The following UNC5D variants were observed in gnomAD, a reference collection of about 807,000 sequenced individuals.
The protein encoded by UNC5D is netrin receptor UNC5D.
UNC5D carries 39 observed loss-of-function variants against 105.4 expected under a neutral mutation model. The observed-to-expected ratio is 0.37, with a 90% CI of 0.29 to 0.48. The LOEUF is 0.48. Ranked by LOEUF, UNC5D falls within the 20% of genes least tolerant of loss-of-function variation. UNC5D has a pLI of 0.98. For synonymous variants in UNC5D, 452 were observed against 450.4 expected (o/e 1.00, Z -0.04); for missense variants, 991 against 1,202.4 (o/e 0.82, Z 2.60).
chr8:35,676,247 C>A (rs1472833196), intron 4 of UNC5D, among the ~76,000 whole-genome samples: 1 of 152,220 alleles, frequency 6.6e-6, no homozygotes, highest in East Asian at 1.9e-4. Context: ...TGCAGACCAT[C>A]TGTACATAAC....
At chr8:35,686,845 G>C in intron 7 of UNC5D, 136 bp downstream of exon 7, 1 of 1,139,110 alleles carries the variant, frequency 8.8e-7, no homozygotes, top group South Asian at 1.6e-5. Context: ...AATAAATTAG[G>C]TAAAAAGTGC....
intron 7 of UNC5D, among the ~76,000 whole-genome samples, chr8:35,689,631 C>T (rs548598551): frequency 6.2e-4 from 94 of 152,316 alleles, no homozygotes; most frequent in Non-Finnish European, 2.1e-4. Flanking sequence ...AGTTGGAAGG[C>T]TGTCAGGCAG....
chr8:35,655,280 T>C (rs953068071), intron 4 of UNC5D, among the ~76,000 whole-genome samples: 2 of 152,218 alleles, frequency 1.3e-5, no homozygotes, highest in African/African-American at 4.8e-5. Flanking sequence ...TCAAAAATAT[T>C]GCCGTCTTCT....
intron 1 of UNC5D, among the ~76,000 whole-genome samples, chr8:35,361,690 G>A (rs1235961388): frequency 6.6e-6 from 1 of 152,142 alleles, no homozygotes; most frequent in Non-Finnish European, 1.5e-5. Flanking sequence ...AATCACTTAT[G>A]CAGCTTCTCT....
chr8:35,518,455 T>A (rs934156627), intron 1 of UNC5D, among the ~76,000 whole-genome samples: 1 of 152,040 alleles, frequency 6.6e-6, no homozygotes, highest in Non-Finnish European at 1.5e-5. Flanking sequence ...AACATTTTTT[T>A]ATGCAACATA....
chr8:35,332,592 T>C (rs1229848117), intron 1 of UNC5D, among the ~76,000 whole-genome samples: 2 of 152,246 alleles, frequency 1.3e-5, no homozygotes, highest in African/African-American at 4.8e-5. Context: ...TTTTAAAACA[T>C]AAAACATAGG....
intron 1 of UNC5D, among the ~76,000 whole-genome samples, chr8:35,350,688 T>C (rs1812175806): frequency 6.6e-6 from 1 of 152,078 alleles, no homozygotes; most frequent in African/African-American, 2.4e-5. Flanking sequence ...TTTCCTATCT[T>C]CCATCCTTTT....
chr8:35,579,721 A>C (rs986556687), intron 3 of UNC5D, among the ~76,000 whole-genome samples: 2 of 152,184 alleles, frequency 1.3e-5, no homozygotes. Flanking sequence ...AGAGAAGTGA[A>C]CAGGACAAAT....
intron 1 of UNC5D, among the ~76,000 whole-genome samples, chr8:35,527,461 G>C (rs1813956179): frequency 6.6e-6 from 1 of 152,164 alleles, no homozygotes; most frequent in Admixed American, 6.5e-5. Flanking sequence ...GTGAGAGCCA[G>C]CTTCCTTGTT....
At chr8:35,566,998 G>A (rs1277326881) in intron 2 of UNC5D, among the ~76,000 whole-genome samples, 2 of 151,938 alleles carry the variant, frequency 1.3e-5, no homozygotes, top group Non-Finnish European at 2.9e-5. Flanking sequence ...CTTGGTCAAA[G>A]GTGGAGAAGA....
intron 1 of UNC5D, among the ~76,000 whole-genome samples, chr8:35,308,360 C>T (rs1433316952): frequency 6.6e-6 from 1 of 152,050 alleles, no homozygotes; most frequent in Non-Finnish European, 1.5e-5. Flanking sequence ...ACACTCTTAC[C>T]TTGAAACTAT....
chr8:35,690,895 A>T (rs1826346390), intron 7 of UNC5D, among the ~76,000 whole-genome samples: 1 of 152,214 alleles, frequency 6.6e-6, no homozygotes, highest in Admixed American at 6.5e-5. Flanking sequence ...TTCTTCCTTG[A>T]CACTCAACAT....
chr8:35,368,322 CAT>C (rs556882880), intron 1 of UNC5D, among the ~76,000 whole-genome samples: 271 of 152,226 alleles, frequency 1.8e-3, no homozygotes, highest in Non-Finnish European at 3.0e-3. Flanking sequence ...CCCCCCGACA[CAT>C]GTGCACACAT....
chr8:35,244,020 T>C (rs1255414690), intron 1 of UNC5D, among the ~76,000 whole-genome samples: 2 of 152,218 alleles, frequency 1.3e-5, no homozygotes. Context: ...CCTAGATAGA[T>C]TCTTCTAGAA....
At chr8:35,774,251 G>C in intron 15 of UNC5D, 48 bp from the exon 16 acceptor site, 2 of 1,605,110 alleles carry the variant, frequency 1.2e-6, no homozygotes, top group Non-Finnish European at 1.7e-6. Flanking sequence ...TGTTGGTCAG[G>C]ACTGCTTTCA....
At chr8:35,746,676 A>C (rs1193577969) in intron 11 of UNC5D, among the ~76,000 whole-genome samples, 1 of 152,166 alleles carries the variant, frequency 6.6e-6, no homozygotes, top group Non-Finnish European at 1.5e-5. Context: ...AGCTGATTTC[A>C]GTTCATTTGG....
chr8:35,596,682 G>A (rs1032870261), intron 4 of UNC5D, among the ~76,000 whole-genome samples: 2 of 152,188 alleles, frequency 1.3e-5, no homozygotes, highest in Non-Finnish European at 2.9e-5. Flanking sequence ...ACAACTGGAA[G>A]CAAAGGTGGG....
At chr8:35,389,922 G>T (rs888279462) in intron 1 of UNC5D, among the ~76,000 whole-genome samples, 5 of 152,176 alleles carry the variant, frequency 3.3e-5, no homozygotes, top group Non-Finnish European at 5.9e-5. Flanking sequence ...CCTGTTAAGA[G>T]AATTGTATTA....
At chr8:35,385,981 T>C (rs1278074092) in intron 1 of UNC5D, among the ~76,000 whole-genome samples, 1 of 152,188 alleles carries the variant, frequency 6.6e-6, no homozygotes, top group African/African-American at 2.4e-5. Flanking sequence ...TTCCATACTA[T>C]CTATAATTGA....
Sources: gnomAD v4.1 joint callset for allele counts (sites outside exome capture counted in the v4.1 genomes callset) on GRCh38, gnomAD v4.1.1 for gene constraint, MANE v1.5 for transcripts, NCBI Gene and HGNC (gene_info 2026-07-23, HGNC 2026-07-21) for gene names.